The following PBX1 variants were observed in gnomAD, a reference collection of about 807,000 sequenced individuals.
PBX1 encodes the protein pre-B-cell leukemia transcription factor 1.
PBX1 carries 6 observed loss-of-function variants against 53.4 expected under a neutral mutation model. The observed-to-expected ratio is 0.11, with a 90% CI of 0.06 to 0.22. The LOEUF (loss-of-function observed/expected upper bound fraction) is 0.22, where lower values mean the gene tolerates loss of function less well. Ranked by LOEUF, PBX1 falls within the 10% of genes least tolerant of loss-of-function variation. The pLI is 1.00. For missense variants in PBX1, 251 were observed against 551.4 expected (o/e 0.46, Z 5.46); for synonymous variants, 204 against 212.3 (o/e 0.96, Z 0.34).
At chr1:164,766,872 C>T (rs1387369057) in intron 2 of PBX1, among the ~76,000 whole-genome samples, 1 of 151,700 alleles carries the variant, frequency 6.6e-6, no homozygotes, top group African/African-American at 2.4e-5. Flanking sequence ...GGATTACAGG[C>T]ACGCACCACC....
At chr1:164,831,795 A>G (rs949325246) in intron 8 of PBX1, among the ~76,000 whole-genome samples, 4 of 152,234 alleles carry the variant, frequency 2.6e-5, no homozygotes, top group Non-Finnish European at 5.9e-5. Flanking sequence ...AGTTGTCCAC[A>G]GAATAGTCTG....
chr1:164,575,883 G>A (rs1322441532), intron 2 of PBX1, among the ~76,000 whole-genome samples: 1 of 152,142 alleles, frequency 6.6e-6, no homozygotes, highest in Non-Finnish European at 1.5e-5. Context: ...GGGTGCGGGT[G>A]GGTGGTGATG....
intron 2 of PBX1, among the ~76,000 whole-genome samples, chr1:164,743,662 G>C (rs1395029185): frequency 6.6e-6 from 1 of 152,100 alleles, no homozygotes; most frequent in Non-Finnish European, 1.5e-5. Flanking sequence ...ATTAAAAAAT[G>C]GTGGCTTAAA....
chr1:164,712,205 C>T (rs1198715430), intron 2 of PBX1, among the ~76,000 whole-genome samples: 3 of 150,360 alleles, frequency 2.0e-5, no homozygotes, highest in Non-Finnish European at 4.4e-5. Flanking sequence ...GCCCCACTGC[C>T]AGTCGGGCAG....
downstream of PBX1, among the ~76,000 whole-genome samples, chr1:164,852,547 C>G (rs1671881538): frequency 6.6e-6 from 1 of 152,202 alleles, no homozygotes; most frequent in Admixed American, 6.5e-5. Flanking sequence ...AACTCCTTGT[C>G]TGCCTTTTGA....
At chr1:164,781,349 T>A (rs1326662292) in intron 2 of PBX1, among the ~76,000 whole-genome samples, 1 of 152,108 alleles carries the variant, frequency 6.6e-6, no homozygotes, top group African/African-American at 2.4e-5. Flanking sequence ...TCTCTTCCAA[T>A]CCTCTGTACC....
intron 2 of PBX1, among the ~76,000 whole-genome samples, chr1:164,738,203 A>G (rs1571314826): frequency 6.6e-6 from 1 of 152,174 alleles, no homozygotes; most frequent in East Asian, 1.9e-4. Flanking sequence ...GAATAAAGCT[A>G]CTGTGAACAT....
intron 2 of PBX1, among the ~76,000 whole-genome samples, chr1:164,600,450 T>C (rs1186050106): frequency 2.6e-5 from 4 of 152,100 alleles, no homozygotes; most frequent in Non-Finnish European, 5.9e-5. Context: ...GGTTTCACAA[T>C]GTTAGTCAGG....
At chr1:164,792,978 G>A (rs1253594859) in intron 3 of PBX1, among the ~76,000 whole-genome samples, 1 of 152,202 alleles carries the variant, frequency 6.6e-6, no homozygotes, top group African/African-American at 2.4e-5. Context: ...GTGTGACGCT[G>A]TAAATGATTT....
intron 2 of PBX1, among the ~76,000 whole-genome samples, chr1:164,786,720 T>TGTGTGTGTGTGCGCGCGC (rs1357886882): frequency 8.6e-6 from 1 of 116,256 alleles, no homozygotes; most frequent in African/African-American, 3.5e-5. Flanking sequence ...TGTGTGTGTG[T>TGTGTGTGTGTGCGCGCGC]GCGCGCGCAC....
intron 2 of PBX1, among the ~76,000 whole-genome samples, chr1:164,600,431 T>G (rs147990688): frequency 0.021 from 3,160 of 152,174 alleles, 38 homozygotes; most frequent in African/African-American, 0.029. Flanking sequence ...GTATTTTTAG[T>G]AGATATGGGG....
chr1:164,626,628 T>G (rs547862666), intron 2 of PBX1, among the ~76,000 whole-genome samples: 9 of 152,354 alleles, frequency 5.9e-5, no homozygotes, highest in Admixed American at 2.0e-4. Flanking sequence ...CTATTTTGTC[T>G]TAAGCCAGAG....
intron 2 of PBX1, among the ~76,000 whole-genome samples, chr1:164,639,104 G>A (rs1375526663): frequency 1.3e-5 from 2 of 152,288 alleles, no homozygotes; most frequent in South Asian, 4.2e-4. Flanking sequence ...GAACCTTACC[G>A]CTCTTGTCTG....
chr1:164,869,199 C>T (rs1331320913), intron 2 of PBX1, among the ~76,000 whole-genome samples: 1 of 152,170 alleles, frequency 6.6e-6, no homozygotes, highest in Admixed American at 6.5e-5. Flanking sequence ...TGCCCGATCT[C>T]GTCAGAACAC....
At chr1:164,751,024 G>A (rs1666182670) in intron 2 of PBX1, among the ~76,000 whole-genome samples, 1 of 152,042 alleles carries the variant, frequency 6.6e-6, no homozygotes, top group African/African-American at 2.4e-5. Context: ...ATTTTAAGAT[G>A]GTATTTGCAG....
chr1:164,591,479 T>C (rs574344111), intron 2 of PBX1, among the ~76,000 whole-genome samples: 1 of 152,292 alleles, frequency 6.6e-6, no homozygotes, highest in African/African-American at 2.4e-5. Context: ...GTAACTATAT[T>C]AGTAGCACAA....
chr1:164,569,922 T>C (rs551864001), intron 2 of PBX1, among the ~76,000 whole-genome samples: 2 of 152,066 alleles, frequency 1.3e-5, no homozygotes, highest in African/African-American at 4.8e-5. Context: ...CTGGGACAGA[T>C]TGGAAGAAGA....
intron 2 of PBX1, among the ~76,000 whole-genome samples, chr1:164,574,732 A>T (rs1035519707): frequency 2.6e-5 from 4 of 152,340 alleles, no homozygotes; most frequent in South Asian, 2.1e-4. Flanking sequence ...CTATAATCCC[A>T]GCACTTTGGG....
At chr1:164,870,260 T>C (rs1220255747) in intron 2 of PBX1, among the ~76,000 whole-genome samples, 2 of 78,604 alleles carry the variant, frequency 2.5e-5, no homozygotes, top group East Asian at 6.7e-4. Flanking sequence ...CTTCCTTCCT[T>C]CCTTCCTTCT....
Sources: gnomAD v4.1 joint callset for allele counts (sites outside exome capture counted in the v4.1 genomes callset) on GRCh38, gnomAD v4.1.1 for gene constraint, MANE v1.5 for transcripts, NCBI Gene and HGNC (gene_info 2026-07-23, HGNC 2026-07-21) for gene names.